Variants in MGAT4C observed in about 807,000 individuals in gnomAD.
MGAT4C encodes MGAT4 family member C.
MGAT4C carries 19 observed loss-of-function variants against 40.1 expected under a neutral mutation model. The ratio of observed to expected loss-of-function variants is 0.47; its 90% CI spans 0.33 to 0.70. The LOEUF (loss-of-function observed/expected upper bound fraction) is 0.70, where lower values mean the gene tolerates loss of function less well. Among genes scored for constraint, MGAT4C ranks in the 30% least tolerant of loss-of-function variants. MGAT4C has a pLI of 0.02. For synonymous variants in MGAT4C, 181 were observed against 187.1 expected, an observed-to-expected ratio of 0.97 and a Z score of 0.27; for missense variants, 491 against 563.2, an observed-to-expected ratio of 0.87 and a Z score of 1.30.
At chr12:86,026,360 TAAAC>T (rs1234386080) in intron 2 of MGAT4C, among the ~76,000 whole-genome samples, 4 of 151,534 alleles carry the variant, frequency 2.6e-5, no homozygotes, top group African/African-American at 9.7e-5. Flanking sequence ...ACACAAATAC[TAAAC>T]ACACACACAC....
At chr12:86,651,302 T>C (rs1156844061) in intron 2 of MGAT4C, among the ~76,000 whole-genome samples, 1 of 151,842 alleles carries the variant, frequency 6.6e-6, no homozygotes, top group Non-Finnish European at 1.5e-5. Context: ...AATCTATTTA[T>C]TGAAAAAAAT....
intron 2 of MGAT4C, among the ~76,000 whole-genome samples, chr12:86,585,691 A>G (rs1960990153): frequency 6.8e-6 from 1 of 147,398 alleles, no homozygotes; most frequent in Non-Finnish European, 1.5e-5. Context: ...CATGAAGACT[A>G]TCTCCATACT....
In MGAT4C at chr12:85,990,261, C is replaced by A. The variant is rs114347298; in HGVS notation, c.-6-709G>T. Among the ~76,000 whole-genome samples, 924 of 152,078 alleles carry A rather than the reference C, an allele frequency of 6.1e-3. 8 individuals are homozygous for A. Among genetic ancestry groups the A allele is most frequent in the African/African-American group, 0.021 (886 of 41,510 alleles). ...AGGCAAAATGAGAGTCAGAAAGATT[C>A]GTGAAAACCTAATTTAAAAAAATTT... On this transcript the variant is annotated intron_variant, in intron 2 of 4. Transcript: ENST00000611864.
intron 1 of MGAT4C, among the ~76,000 whole-genome samples, chr12:86,157,024 C>A (rs1885026751): frequency 6.6e-6 from 1 of 151,910 alleles, no homozygotes; most frequent in South Asian, 2.1e-4. Context: ...TATTTCTTAA[C>A]CTGTATAATC....
chr12:86,165,667 C>T (rs1407382779), intron 1 of MGAT4C, among the ~76,000 whole-genome samples: 1 of 151,914 alleles, frequency 6.6e-6, no homozygotes, highest in Non-Finnish European at 1.5e-5. Context: ...CTAAAATTGC[C>T]AATGGAATTT....
chr12:86,621,111 A>G (rs1962621796), intron 2 of MGAT4C, among the ~76,000 whole-genome samples: 1 of 152,126 alleles, frequency 6.6e-6, no homozygotes, highest in Admixed American at 6.5e-5. Flanking sequence ...TAAAATTTAA[A>G]AAATTATAAT....
At chr12:86,619,320 T>A (rs1263192738) in intron 2 of MGAT4C, among the ~76,000 whole-genome samples, 4 of 152,144 alleles carry the variant, frequency 2.6e-5, no homozygotes, top group East Asian at 1.9e-4. Flanking sequence ...ATTGATAATG[T>A]CATTCTCTCA....
chr12:86,768,813 A>G (rs1311320164), intron 1 of MGAT4C, among the ~76,000 whole-genome samples: 1 of 152,058 alleles, frequency 6.6e-6, no homozygotes, highest in Admixed American at 6.6e-5. Context: ...CTGGCTAGCC[A>G]TATGTAGAAA....
chr12:86,243,645 G>T (rs1415863672), intron 1 of MGAT4C, among the ~76,000 whole-genome samples: 1 of 152,116 alleles, frequency 6.6e-6, no homozygotes, highest in Admixed American at 6.6e-5. Flanking sequence ...TCTGAGGGTG[G>T]TATCCTACTG....
At chr12:86,504,308 G>C (rs1399900583) in intron 2 of MGAT4C, among the ~76,000 whole-genome samples, 2 of 151,994 alleles carry the variant, frequency 1.3e-5, no homozygotes, top group East Asian at 1.9e-4. Flanking sequence ...AAAAAATTTG[G>C]TACATATGTG....
intron 4 of MGAT4C, among the ~76,000 whole-genome samples, chr12:86,296,381 C>CCAGTCCCGTGCCAGCTGCCTGT (rs1304950327): frequency 6.6e-6 from 1 of 152,232 alleles, no homozygotes; most frequent in Non-Finnish European, 1.5e-5. Flanking sequence ...GAGCTGCCTG[C>CCAGTCCCGTGCCAGCTGCCTGT]CAGTCCCGTG....
intron 3 of MGAT4C, among the ~76,000 whole-genome samples, chr12:86,360,907 C>T (rs1382185231): frequency 6.6e-6 from 1 of 152,162 alleles, no homozygotes; most frequent in African/African-American, 2.4e-5. Flanking sequence ...AATGGTCATA[C>T]TGCCCAAGGT....
In MGAT4C at chr12:86,499,152, A is replaced by G. The variant is rs545553454; in HGVS notation, c.-228-63887T>C. Among the ~76,000 whole-genome samples the G allele has an allele frequency of 2.0e-5, 3 of 152,030 alleles. No homozygotes were observed. The East Asian group carries it at 5.8e-4, about 29-fold the overall frequency. ...CTTTAATCAACTGTTTATGTTATTA[A>G]TAAGCCTTCATTGACAGTGGGCAAT... On this transcript the variant is annotated intron_variant, in intron 2 of 7. Coordinates refer to the MGAT4C transcript ENST00000548651.
intron 2 of MGAT4C, among the ~76,000 whole-genome samples, chr12:86,611,604 GCAC>G (rs1962284396): frequency 6.6e-6 from 1 of 152,064 alleles, no homozygotes. Context: ...TACTGCTTTT[GCAC>G]TCCTTATCTC....
In MGAT4C at chr12:86,038,071, G is replaced by A. The variant is rs1414102029; in HGVS notation, c.-7+11603C>T. On this transcript the variant is annotated intron_variant, in intron 2 of 4. Transcript: ENST00000611864. ...GAGGCTGTGAAGGCCCTGAGCTCTG[G>A]AAGCCCACACTTTTTATTGGTGATC... Among the ~76,000 whole-genome samples the A allele has an allele frequency of 2.0e-5, 3 of 149,688 alleles. 1 individual carries two copies. Among genetic ancestry groups the A allele is most frequent in the African/African-American group, 7.3e-5 (3 of 41,226 alleles).
chr12:86,690,061 C>T (rs1950148182), intron 2 of MGAT4C, among the ~76,000 whole-genome samples: 1 of 152,146 alleles, frequency 6.6e-6, no homozygotes, highest in Non-Finnish European at 1.5e-5. Context: ...AGCTTTGCCT[C>T]ACTGTGGTAG....
At chr12:86,509,081 A>C (rs1047381897) in intron 2 of MGAT4C, among the ~76,000 whole-genome samples, 1 of 151,704 alleles carries the variant, frequency 6.6e-6, no homozygotes, top group Non-Finnish European at 1.5e-5. Flanking sequence ...CCCATTTGTC[A>C]ATTTTGTCTT....
At chr12:86,542,587 G>A (rs1335761941) in intron 2 of MGAT4C, among the ~76,000 whole-genome samples, 1 of 151,958 alleles carries the variant, frequency 6.6e-6, no homozygotes, top group Non-Finnish European at 1.5e-5. Flanking sequence ...TCCTCTCATA[G>A]TACCTTGAGA....
In MGAT4C at chr12:85,977,229, CA is replaced by C. The variant is rs1169631063; in HGVS notation, c.*2059del. On this transcript the variant is annotated 3_prime_UTR_variant, in exon 5 of 5. Transcript: ENST00000611864. ...GAAGAATATGTAAGGGGTTACAACT[CA>C]TTTCAGGGAGTCTGCCTAGCTCTTG... 4 of 151,340 alleles carry C rather than the reference CA, an allele frequency of 2.6e-5. No individual in the cohort carries two copies. Among genetic ancestry groups the C allele is most frequent in the Non-Finnish European group, 5.9e-5 (4 of 67,454 alleles). 9.4% of individuals were successfully genotyped at this position (151,340 alleles called of 1,614,324 possible).
Sources: gnomAD v4.1 joint callset for allele counts (sites outside exome capture counted in the v4.1 genomes callset) on GRCh38, gnomAD v4.1.1 for gene constraint, MANE v1.5 for transcripts, NCBI Gene and HGNC (gene_info 2026-07-23, HGNC 2026-07-21) for gene names.